The following ADAMTS9 variants were observed in gnomAD, a reference collection of about 807,000 sequenced individuals.
The protein encoded by ADAMTS9 is ADAM metallopeptidase with thrombospondin type 1 motif 9.
ADAMTS9 carries 107 observed loss-of-function variants against 257.1 expected under a neutral mutation model. The observed-to-expected ratio is 0.42, with a 90% confidence interval of 0.36 to 0.49. The LOEUF (loss-of-function observed/expected upper bound fraction) is 0.49. ADAMTS9 is among the 20% of genes least tolerant of loss of function. The pLI is 0.03. For synonymous variants in ADAMTS9, 982 were observed against 880.9 expected, an observed-to-expected ratio of 1.11 and a Z score of -2.03; for missense variants, 2,353 against 2,469.1, an observed-to-expected ratio of 0.95 and a Z score of 1.00.
intron 4 of ADAMTS9, among the ~76,000 whole-genome samples, chr3:64,657,701 T>TA (rs1336615543): frequency 2.0e-5 from 3 of 152,100 alleles, no homozygotes; most frequent in African/African-American, 4.8e-5. Context: ...GAATTTTTTT[T>TA]AATTTAAATA....
intron 14 of ADAMTS9, among the ~76,000 whole-genome samples, chr3:64,632,172 G>A (rs1304656971): frequency 6.6e-6 from 1 of 152,102 alleles, no homozygotes; most frequent in Non-Finnish European, 1.5e-5. Context: ...CAGATCTACT[G>A]GATCAGAGTT....
chr3:64,560,175 T>C (rs575126763), intron 30 of ADAMTS9, among the ~76,000 whole-genome samples: 28 of 152,326 alleles, frequency 1.8e-4, no homozygotes, highest in Non-Finnish European at 3.8e-4. Context: ...CCTTGGCTAA[T>C]GTGTGGCAGT....
At position 64,615,461 on chromosome 3, in the gene ADAMTS9, T is replaced by C. The variant is rs545176933; in HGVS notation, c.3049A>G (p.Thr1017Ala). ...ACACAAATAGCCCTTCTCCTCTGGG[T>C]CCCACCGTCACAGCTTTTTGAACAC... ...TECSKSCDGG[T>A]QRRRAICVNT... Residue 1017 changes from threonine (T) to alanine (A), a missense_variant, in exon 21 of 40, where the codon ACC becomes GCC. Physicochemically the swap from Thr to Ala is moderately conservative, Grantham distance 58. This residue lies in a region of ADAMTS9 where 1,402 missense variants were observed against 1,441.4 expected (regional missense o/e 0.97). Transcript: ENST00000498707. 225 of 1,613,626 alleles carry C rather than the reference T, an allele frequency of 1.4e-4. 3 individuals carry two copies. In the South Asian group the frequency reaches 2.3e-3, roughly 16 times the overall value.
intron 3 of ADAMTS9, among the ~76,000 whole-genome samples, chr3:64,680,533 G>C (rs1288449204): frequency 6.6e-6 from 1 of 152,128 alleles, no homozygotes; most frequent in Non-Finnish European, 1.5e-5. Context: ...AGGGTGCCCA[G>C]AATGACATAT....
chr3:64,531,295 T>C (rs2082977852), intron 38 of ADAMTS9, among the ~76,000 whole-genome samples: 1 of 152,186 alleles, frequency 6.6e-6, no homozygotes, highest in Admixed American at 6.5e-5. Flanking sequence ...TTTTTTATAG[T>C]CTTATTTTGA....
intron 36 of ADAMTS9, 113 bp downstream of exon 36, chr3:64,540,978 ATGTG>A: frequency 3.1e-5 from 3 of 96,908 alleles, no homozygotes; most frequent in Non-Finnish European, 4.9e-5. Context: ...ATACTAGCCA[ATGTG>A]CAATGTGCAA....
intron 16 of ADAMTS9, among the ~76,000 whole-genome samples, chr3:64,628,190 C>T (rs1488653676): frequency 3.9e-5 from 6 of 152,194 alleles, no homozygotes; most frequent in Admixed American, 6.5e-5. Context: ...GATGACAAAT[C>T]TTCCTTAATT....
intron 28 of ADAMTS9, among the ~76,000 whole-genome samples, chr3:64,572,402 GCTCT>G (rs1192850696): frequency 1.3e-5 from 2 of 152,156 alleles, no homozygotes; most frequent in African/African-American, 4.8e-5. Context: ...TCTATCGAGG[GCTCT>G]CTCTCAAGAA....
chr3:64,646,451 C>G (rs1373830458), intron 11 of ADAMTS9, among the ~76,000 whole-genome samples: 3 of 152,152 alleles, frequency 2.0e-5, no homozygotes, highest in African/African-American at 7.2e-5. Context: ...TTCAACATGT[C>G]TTGCAAAGAT....
At chr3:64,651,389 A>G (rs897000834) in intron 8 of ADAMTS9, among the ~76,000 whole-genome samples, 2 of 152,238 alleles carry the variant, frequency 1.3e-5, no homozygotes, top group Non-Finnish European at 2.9e-5. Flanking sequence ...CATAAAATGT[A>G]TTTTAAAAGA....
At chr3:64,614,460 T>A (rs1360559799) in intron 21 of ADAMTS9, among the ~76,000 whole-genome samples, 1 of 152,194 alleles carries the variant, frequency 6.6e-6, no homozygotes, top group Non-Finnish European at 1.5e-5. Flanking sequence ...AAATAAGCAG[T>A]TAATACTGCA....
Position 64,596,129 on chromosome 3 carries a change from A to G in ADAMTS9, c.4179+701T>C, listed in dbSNP as rs551189019. ...ACCTCATATCATGGTCATAAATACT[A>G]AGAAGTTGGTGCTATTACTATCCTT... On this transcript the variant is annotated intron_variant, in intron 27 of 39. Coordinates refer to ENST00000498707, the MANE Select transcript of ADAMTS9 (RefSeq NM_182920.2). Among the ~76,000 whole-genome samples the G allele has an allele frequency of 1.1e-4, 17 of 152,352 alleles. No homozygotes were observed. The South Asian group carries it at 3.1e-3, about 28-fold the overall frequency.
Position 64,615,311 on chromosome 3 carries a change from C to T in ADAMTS9, c.3189+10G>A. On this transcript the variant is annotated intron_variant, in intron 21 of 39. Transcript: ENST00000498707. ...ATGACCTAGGGGAAATAACAGCCCT[C>T]CCATCTTACCTCTGACCAGTCTCCA... 1 of 1,612,470 alleles carries T rather than the reference C, an allele frequency of 6.2e-7. No homozygotes were observed. The highest frequency in any genetic ancestry group is 8.5e-7 in the Non-Finnish European group (1 of 1,179,234).
intron 3 of ADAMTS9, among the ~76,000 whole-genome samples, chr3:64,677,927 T>C (rs1229189137): frequency 1.3e-5 from 2 of 152,230 alleles, no homozygotes; most frequent in Non-Finnish European, 2.9e-5. Context: ...AAGTTTTCAT[T>C]GCAGTAGACT....
rs1023165846 is a variant in ADAMTS9, at chr3:64,516,047, G to A, written c.*1080C>T. The A allele has an allele frequency of 3.3e-5, 5 of 152,296 alleles. No individual in the cohort carries two copies. Among genetic ancestry groups the A allele is most frequent in the African/African-American group, 1.2e-4 (5 of 41,554 alleles). The allele number at this position is 152,296 out of a possible 1,614,324, so 9.4% of individuals were successfully genotyped here. On this transcript the variant is annotated 3_prime_UTR_variant, in exon 40 of 40. Transcript: ENST00000498707. ...TGCAGCGGGCATGAAAACCGGCAGG[G>A]TGTTAGGCTCATGGCCTGAAGAGAA...
chr3:64,573,172 G>A (rs2083741363), intron 28 of ADAMTS9, among the ~76,000 whole-genome samples: 1 of 152,124 alleles, frequency 6.6e-6, no homozygotes, highest in Non-Finnish European at 1.5e-5. Context: ...GACCAGGACT[G>A]CCTGAGTTAT....
intron 11 of ADAMTS9, among the ~76,000 whole-genome samples, chr3:64,645,895 A>G (rs1173557558): frequency 6.6e-6 from 1 of 152,110 alleles, no homozygotes; most frequent in African/African-American, 2.4e-5. Context: ...AAATTACCCT[A>G]CGATCCCTCC....
At chr3:64,640,561 G>A (rs935852741) in intron 12 of ADAMTS9, among the ~76,000 whole-genome samples, 8 of 152,150 alleles carry the variant, frequency 5.3e-5, no homozygotes, top group South Asian at 2.1e-4. Flanking sequence ...ACTGCTAGGG[G>A]AAATCATTTT....
chr3:64,657,992 T>G (rs72890890), intron 4 of ADAMTS9, among the ~76,000 whole-genome samples: 8,664 of 152,224 alleles, frequency 0.057, 798 homozygotes, highest in African/African-American at 0.19. Flanking sequence ...GAAGAGGCTA[T>G]TTTTAGAAGT....
Sources: gnomAD v4.1 joint callset for allele counts (sites outside exome capture counted in the v4.1 genomes callset) on GRCh38, gnomAD v4.1.1 for gene constraint, gnomAD v4.1.1 regional missense constraint, MANE v1.5 for transcripts, NCBI Gene and HGNC (gene_info 2026-07-23, HGNC 2026-07-21) for gene names.